PHACTR1: variants seen among roughly 807,000 people sequenced by gnomAD.
PHACTR1 encodes the protein RPEL repeat containing 1.
Under a neutral mutation model 69.2 loss-of-function variants are expected in PHACTR1, and 16 were observed. The ratio of observed to expected loss-of-function variants is 0.23; its 90% CI spans 0.16 to 0.35. PHACTR1 has a LOEUF of 0.35. Among genes scored for constraint, PHACTR1 ranks in the 10% least tolerant of loss-of-function variants. The pLI is 1.00. For missense variants in PHACTR1, 510 were observed against 734.7 expected (o/e 0.69, Z 3.54); for synonymous variants, 312 against 284.5 (o/e 1.10, Z -0.97).
At chr6:12,721,719 G>T (rs1287533454) in intron 3 of PHACTR1, among the ~76,000 whole-genome samples, 1 of 152,140 alleles carries the variant, frequency 6.6e-6, no homozygotes, top group Non-Finnish European at 1.5e-5. Context: ...ATTACTTGGG[G>T]CTTGGCACTG....
At chr6:13,153,648 G>T (rs188836869) in intron 5 of PHACTR1, among the ~76,000 whole-genome samples, 1 of 152,256 alleles carries the variant, frequency 6.6e-6, no homozygotes, top group Non-Finnish European at 1.5e-5. Flanking sequence ...GCCTCTGATG[G>T]TTTTCTGCAT....
At chr6:13,004,432 A>T (rs1039061306) in intron 4 of PHACTR1, among the ~76,000 whole-genome samples, 1 of 152,008 alleles carries the variant, frequency 6.6e-6, no homozygotes, top group Non-Finnish European at 1.5e-5. Context: ...CTTTTGCAAA[A>T]TGTCTGTTTG....
chr6:13,046,273 A>G (rs980698893), intron 4 of PHACTR1, among the ~76,000 whole-genome samples: 2 of 151,924 alleles, frequency 1.3e-5, no homozygotes, highest in African/African-American at 4.8e-5. Flanking sequence ...CCCTCCTCCT[A>G]CCCATCCCCA....
intron 4 of PHACTR1, among the ~76,000 whole-genome samples, chr6:12,871,750 T>C (rs1782047682): frequency 1.3e-5 from 2 of 152,216 alleles, no homozygotes; most frequent in South Asian, 4.1e-4. Flanking sequence ...CTCGCCAATC[T>C]TTCACCTAAA....
At chr6:12,959,191 A>AAG (rs1554181493) in intron 4 of PHACTR1, among the ~76,000 whole-genome samples, 77 of 109,038 alleles carry the variant, frequency 7.1e-4, no homozygotes, top group African/African-American at 3.9e-3. Flanking sequence ...AAAAAAAAAA[A>AAG]AAAAGAAAAG....
At chr6:12,907,930 C>CA (rs1247032710) in intron 4 of PHACTR1, among the ~76,000 whole-genome samples, 1 of 152,180 alleles carries the variant, frequency 6.6e-6, no homozygotes, top group Non-Finnish European at 1.5e-5. Flanking sequence ...AATGGAACAT[C>CA]AATGTCATGT....
chr6:13,206,664 G>A lies in PHACTR1; in HGVS notation c.986+528G>A, dbSNP rs181842453. Among the ~76,000 whole-genome samples, 17 of 152,184 alleles carry A rather than the reference G, an allele frequency of 1.1e-4. No individual in the cohort carries two copies. The South Asian group carries it at 1.5e-3, about 13-fold the overall frequency. On this transcript the variant is annotated intron_variant, in intron 8 of 14. Coordinates refer to ENST00000332995, the MANE Select transcript of PHACTR1 (RefSeq NM_030948.6). ...ATGATTACCCAATTATTCCAGTTCC[G>A]GGTGGTGGCTAGCCAGAGCATGTCC... is the stretch of plus-strand genomic sequence containing the variant.
chr6:13,037,028 C>A (rs1803418445), intron 4 of PHACTR1, among the ~76,000 whole-genome samples: 1 of 152,184 alleles, frequency 6.6e-6, no homozygotes, highest in African/African-American at 2.4e-5. Context: ...CACAGAAGTT[C>A]TCCTGCATCT....
intron 4 of PHACTR1, among the ~76,000 whole-genome samples, chr6:12,788,052 G>A (rs1003915972): frequency 7.9e-5 from 12 of 152,006 alleles, no homozygotes; most frequent in African/African-American, 2.9e-4. Context: ...CAGCTACTCG[G>A]TAGGCTGAGG....
intron 5 of PHACTR1, among the ~76,000 whole-genome samples, chr6:13,130,630 G>A (rs934544640): frequency 2.6e-5 from 4 of 151,998 alleles, no homozygotes; most frequent in Non-Finnish European, 5.9e-5. Context: ...AACTCTGAAC[G>A]ACCAATAACA....
At chr6:13,091,221 A>G (rs1342746996) in intron 5 of PHACTR1, among the ~76,000 whole-genome samples, 1 of 152,030 alleles carries the variant, frequency 6.6e-6, no homozygotes, top group East Asian at 1.9e-4. Flanking sequence ...CTGGTCTTGA[A>G]TTCCTGACCT....
At chr6:13,224,841 G>A (rs1179225603) in intron 8 of PHACTR1, among the ~76,000 whole-genome samples, 1 of 152,156 alleles carries the variant, frequency 6.6e-6, no homozygotes, top group South Asian at 2.1e-4. Flanking sequence ...AAGCCGCTCC[G>A]ACAGCTCTGG....
chr6:13,278,194 C>A, intron 11 of PHACTR1, 74 bp from the exon 12 acceptor site: 1 of 1,426,782 alleles, frequency 7.0e-7, no homozygotes, highest in Non-Finnish European at 9.6e-7. Context: ...CTAGAGCCTG[C>A]CAAGGTCCAA....
chr6:13,193,543 C>G (rs1763924525), intron 7 of PHACTR1, among the ~76,000 whole-genome samples: 1 of 151,074 alleles, frequency 6.6e-6, no homozygotes, highest in Non-Finnish European at 1.5e-5. Context: ...TGCGCCACTA[C>G]TCCCAGCTAA....
chr6:12,794,133 T>A (rs1478088992), intron 4 of PHACTR1, among the ~76,000 whole-genome samples: 1 of 152,196 alleles, frequency 6.6e-6, no homozygotes, highest in Non-Finnish European at 1.5e-5. Context: ...GAGAACAAAA[T>A]GGAACATAAT....
At chr6:12,766,222 A>G (rs1321916114) in intron 4 of PHACTR1, among the ~76,000 whole-genome samples, 1 of 152,192 alleles carries the variant, frequency 6.6e-6, no homozygotes, top group Non-Finnish European at 1.5e-5. Flanking sequence ...TGAGAATATA[A>G]ACTTGGATTA....
intron 4 of PHACTR1, among the ~76,000 whole-genome samples, chr6:12,956,143 C>T (rs1791870246): frequency 1.3e-5 from 2 of 152,136 alleles, no homozygotes; most frequent in African/African-American, 4.8e-5. Context: ...CAAGGCTGAC[C>T]AACATTAGCA....
intron 10 of PHACTR1, among the ~76,000 whole-genome samples, chr6:13,231,102 A>AGG (rs1267410621): frequency 0.013 from 1,105 of 82,202 alleles, 86 homozygotes; most frequent in South Asian, 0.022. Flanking sequence ...AAGGAAGGGA[A>AGG]AAGAAAGAAG....
chr6:12,918,440 C>T (rs1469382696), intron 4 of PHACTR1, among the ~76,000 whole-genome samples: 1 of 152,202 alleles, frequency 6.6e-6, no homozygotes, highest in African/African-American at 2.4e-5. Flanking sequence ...GCATCTCTAC[C>T]TAGTGAAAGG....
Sources: allele counts gnomAD v4.1 joint callset (sites outside exome capture counted in the v4.1 genomes callset), GRCh38; gene constraint gnomAD v4.1.1; transcripts MANE v1.5; gene names NCBI Gene and HGNC (gene_info 2026-07-23, HGNC 2026-07-21).